NR1H3: variants seen among roughly 807,000 people sequenced by gnomAD.
NR1H3 encodes the protein nuclear receptor subfamily 1 group H member 3, also known as oxysterols receptor LXR-alpha.
NR1H3 carries 19 observed loss-of-function variants against 48.1 expected under a neutral mutation model. That is an observed-to-expected ratio of 0.40 (90% confidence interval 0.28 to 0.58). The LOEUF is 0.58. Among genes scored for constraint, NR1H3 ranks in the 20% least tolerant of loss-of-function variants. NR1H3 has a pLI of 0.50. For synonymous variants in NR1H3, 232 were observed against 227.3 expected (o/e 1.02, Z -0.19); for missense variants, 486 against 595.9 (o/e 0.82, Z 1.92).
In NR1H3 at chr11:47,260,503, C is replaced by T; in HGVS notation, c.327C>T (p.His109=). 1 of 1,614,266 alleles carries T rather than the reference C, an allele frequency of 6.2e-7. No homozygotes were observed. The highest frequency in any genetic ancestry group is 8.5e-7 in the Non-Finnish European group (1 of 1,180,052). The stretch of plus-strand genomic sequence containing the variant: ...GTGGGGACAAGGCCTCGGGCTTCCA[C>T]TACAATGTTCTGAGCTGCGAGGGCT... ...SVCGDKASGF[H]YNVLSCEGCK... is the part of the protein sequence containing the mutation. Residue 109 remains histidine, a synonymous_variant, in exon 4 of 10, where the codon CAC becomes CAT. Coordinates refer to ENST00000441012, the MANE Select transcript of NR1H3 (RefSeq NM_005693.4).
chr11:47,259,308 C>T lies in NR1H3; in HGVS notation c.43+49C>T, dbSNP rs750076828. On this transcript the variant is annotated intron_variant, in intron 2 of 9. Transcript: ENST00000441012. Reference sequence around the variant, plus strand: ...CCCTGAGCCCAGACCGCAGGCTCCACGCCTCCTGTAGGAATCAGCCTCCTT... The same window carrying T: ...CCCTGAGCCCAGACCGCAGGCTCCATGCCTCCTGTAGGAATCAGCCTCCTT... 11 of 1,612,620 alleles carry T rather than the reference C, an allele frequency of 6.8e-6. No homozygotes were observed. The African/African-American group carries it at 8.0e-5, about 12-fold the overall frequency.
At chr11:47,264,503 G>T (rs1431888499) in intron 7 of NR1H3, among the ~76,000 whole-genome samples, 1 of 152,200 alleles carries the variant, frequency 6.6e-6, no homozygotes, top group Admixed American at 6.5e-5. Flanking sequence ...ACTTTATCCA[G>T]CTTTAAAGCC....
intron 2 of NR1H3, 127 bp downstream of exon 2, chr11:47,259,386 C>T (rs768892991): frequency 2.3e-5 from 36 of 1,594,616 alleles, no homozygotes; most frequent in South Asian, 3.4e-5. Flanking sequence ...CATTCTTAGT[C>T]GTGCTTGCCT....
At chr11:47,257,845 G>A (rs1955348356), upstream of NR1H3, 7 of 982,812 alleles carry the variant, frequency 7.1e-6, no homozygotes, top group Non-Finnish European at 8.5e-6. Context: ...TGGCCGGCTG[G>A]GGAGGAGCCA....
chr11:47,259,968 C>T lies in NR1H3; in HGVS notation c.221C>T (p.Ser74Leu). ...CTGCTCACCAGGGCAGAGCCCCCTTCAGAACCCACAGGTGAGGAGCTTCTG... is the reference window on the plus strand; with the variant it reads ...CTGCTCACCAGGGCAGAGCCCCCTTTAGAACCCACAGGTGAGGAGCTTCTG... ...TALLTRAEPP[S>L]EPTEIRPQKR... The change falls in exon 3 of 10, where the codon TCA (serine) becomes TTA (leucine). Residue 74 changes from serine (S) to leucine (L), a missense_variant. Ser to Leu is a moderately radical substitution (Grantham distance 145). Transcript: ENST00000441012. The T allele has an allele frequency of 1.3e-6, 2 of 1,534,096 alleles. No individual in the cohort carries two copies. The highest frequency in any genetic ancestry group is 2.3e-5 in the East Asian group (1 of 43,730).
At position 47,261,726 on chromosome 11, in the gene NR1H3, G is replaced by T; in HGVS notation, c.888G>T (p.Glu296Asp). The T allele has an allele frequency of 6.2e-7, 1 of 1,614,054 alleles. No homozygotes were observed. The highest frequency in any genetic ancestry group is 2.2e-5 in the East Asian group (1 of 44,886). ...CCCTGCTGAAGACCTCTGCGATCGAGGTGGCTGGAGAAGGGCAAGGGATGA... is the reference window on the plus strand; with the variant it reads ...CCCTGCTGAAGACCTCTGCGATCGATGTGGCTGGAGAAGGGCAAGGGATGA... ...QIALLKTSAI[E>D]VMLLETSRRY... The change falls in exon 6 of 10, where the codon GAG becomes GAT. Residue 296 changes from glutamate (E) to aspartate (D), a missense_variant and splice_region_variant. Glu to Asp is a conservative substitution (Grantham distance 45, BLOSUM62 2). Coordinates refer to ENST00000441012, the MANE Select transcript of NR1H3 (RefSeq NM_005693.4).
chr11:47,255,611 CTCTCTCTTTCTT>C (rs1205971864), upstream of NR1H3, among the ~76,000 whole-genome samples: 3,498 of 122,752 alleles, frequency 0.028, 219 homozygotes, highest in African/African-American at 0.11. Context: ...CTCTCTCTCT[CTCTCTCTTTCTT>C]TCTTTCTTTC....
At chr11:47,250,605 C>G (rs959473524) in intron 1 of NR1H3, 1 of 152,196 alleles carries the variant, frequency 6.6e-6, no homozygotes. Context: ...TATTTAATCA[C>G]AAGCCCCTTT....
At position 47,259,934 on chromosome 11, in the gene NR1H3, C is replaced by T; in HGVS notation, c.187C>T (p.Pro63Ser). The change falls in exon 3 of 10, where the codon CCC becomes TCC. Residue 63 changes from proline to serine, a missense_variant. Physicochemically the swap from Pro to Ser is moderately conservative, Grantham distance 74. Coordinates refer to ENST00000441012, the MANE Select transcript of NR1H3 (RefSeq NM_005693.4). ...AGGGGTGGGGCTGGAGGCTGCAGAG[C>T]CCACAGCCCTGCTCACCAGGGCAGA... ...TAGVGLEAAE[P>S]TALLTRAEPP... 6.3e-7 allele frequency: 1 copy of T among 1,596,534 alleles called. No individual in the cohort carries two copies. The highest frequency in any genetic ancestry group is 8.5e-7 in the Non-Finnish European group (1 of 1,171,744).
chr11:47,262,859 G>A (rs185702676), intron 7 of NR1H3, among the ~76,000 whole-genome samples: 7 of 152,308 alleles, frequency 4.6e-5, no homozygotes, highest in Admixed American at 1.3e-4. Context: ...AGAGCCACAG[G>A]CCCAATGTTT....
At chr11:47,258,891 A>G in intron 1 of NR1H3, 1 of 340,190 alleles carries the variant, frequency 2.9e-6, no homozygotes, top group Non-Finnish European at 5.5e-6. Flanking sequence ...AAGCCTTATA[A>G]CAGGCTGGGC....
At chr11:47,258,158 G>A in intron 1 of NR1H3, 29 bp downstream of exon 1, 1 of 985,476 alleles carries the variant, frequency 1.0e-6, no homozygotes, top group African/African-American at 1.7e-5. Flanking sequence ...AGTGGCCTGG[G>A]GCTCTGTGTG....
upstream of NR1H3, among the ~76,000 whole-genome samples, chr11:47,256,283 C>T (rs1204827062): frequency 2.0e-5 from 3 of 152,118 alleles, no homozygotes; most frequent in Non-Finnish European, 2.9e-5. Flanking sequence ...TCAAGTGATC[C>T]ACCCGCCTAG....
intron 1 of NR1H3, among the ~76,000 whole-genome samples, chr11:47,252,096 G>A (rs1443999792): frequency 1.3e-5 from 2 of 151,664 alleles, no homozygotes; most frequent in African/African-American, 4.8e-5. Context: ...GTAGATAGAT[G>A]GATATGTGGG....
At chr11:47,257,921 A>C (rs571195097), upstream of NR1H3, 2 of 985,286 alleles carry the variant, frequency 2.0e-6, no homozygotes, top group South Asian at 4.7e-5. Flanking sequence ...CCAGGCAGGA[A>C]GGAGGGGTGG....
chr11:47,259,609 A>G, intron 2 of NR1H3, 182 bp from the exon 3 acceptor site: 3 of 1,452,952 alleles, frequency 2.1e-6, no homozygotes, highest in Non-Finnish European at 2.7e-6. Context: ...CCTGAGATGT[A>G]AGAAACTACA....
At chr11:47,260,315 T>A in intron 3 of NR1H3, 94 bp from the exon 4 acceptor site, 1 of 1,471,628 alleles carries the variant, frequency 6.8e-7, no homozygotes, top group Non-Finnish European at 9.2e-7. Flanking sequence ...ATGAAGGGAA[T>A]GAAGGTCACT....
Position 47,261,468 on chromosome 11 carries a change from G to C in NR1H3, c.708+19G>C. ...AGTCACGGTACTTGACACACCTGGG[G>C]AGAGGCGGCTGCGCCCAGATCACCA... On this transcript the variant is annotated intron_variant, in intron 5 of 9. Transcript: ENST00000441012. 1 of 1,612,504 alleles carries C rather than the reference G, an allele frequency of 6.2e-7. No homozygotes were observed. Among genetic ancestry groups the C allele is most frequent in the East Asian group, 2.2e-5 (1 of 44,820 alleles).
chr11:47,249,371 A>G (rs1465216639), intron 1 of NR1H3, among the ~76,000 whole-genome samples: 1 of 152,170 alleles, frequency 6.6e-6, no homozygotes, highest in Non-Finnish European at 1.5e-5. Context: ...CCTGCCCTGC[A>G]CAAAGCTTCA....
Sources: gnomAD v4.1 joint callset for allele counts (sites outside exome capture counted in the v4.1 genomes callset) on GRCh38, gnomAD v4.1.1 for gene constraint, MANE v1.5 for transcripts, NCBI Gene and HGNC (gene_info 2026-07-23, HGNC 2026-07-21) for gene names.